The following IK variants were observed in gnomAD, a reference collection of about 807,000 sequenced individuals.
IK encodes protein Red.
In IK, 47 loss-of-function variants were observed where a neutral mutation model predicts 90.9. The observed-to-expected ratio is 0.52, with a 90% CI of 0.41 to 0.66. IK has a LOEUF of 0.66. Among genes scored for constraint, IK ranks in the 30% least tolerant of loss-of-function variants. IK has a pLI of 0.00. For missense variants in IK, 385 were observed against 709.3 expected (o/e 0.54, Z 5.19); for synonymous variants, 201 against 227.5 (o/e 0.88, Z 1.05).
intron 2 of IK, among the ~76,000 whole-genome samples, chr5:140,651,282 T>C (rs1757612241): frequency 1.3e-5 from 2 of 149,572 alleles, no homozygotes; most frequent in Admixed American, 6.7e-5. Context: ...CTAATAAAAA[T>C]ACAAAAATTA....
chr5:140,648,296 C>T lies in IK; in HGVS notation c.17-175C>T, dbSNP rs1757530545. The stretch of plus-strand genomic sequence containing the variant: ...TCCTCCAGCGCAGGATTAGGGTCCT[C>T]TGCTTTGTGCTCCCACAGCTTCTTG... On this transcript the variant is annotated intron_variant, in intron 1 of 19. Coordinates refer to ENST00000417647, the MANE Select transcript of IK (RefSeq NM_006083.4). The T allele has an allele frequency of 1.7e-5, 12 of 723,808 alleles. No homozygotes were observed. The South Asian group carries it at 1.7e-4, about 11-fold the overall frequency. 44.8% of individuals were successfully genotyped at this position (723,808 alleles called of 1,614,324 possible).
In IK at chr5:140,662,320, A is replaced by C. The variant is rs758829467; in HGVS notation, c.1665A>C (p.Pro555=). The change falls in exon 20 of 20, where the codon CCA becomes CCC. Residue 555 remains proline (P), a synonymous_variant. Transcript: ENST00000417647. The part of the protein sequence containing the change: ...MEADGVEVKR[P]KY ...ATTGCAGGGTTGAAGTCAAAAGACCAAAATACTAATCACTAGTTACAACCA... is the reference window on the plus strand; with the variant it reads ...ATTGCAGGGTTGAAGTCAAAAGACCCAAATACTAATCACTAGTTACAACCA... 9 of 1,613,994 alleles carry C rather than the reference A, an allele frequency of 5.6e-6. No individual in the cohort carries two copies. In the African/African-American group the frequency reaches 1.2e-4, roughly 22 times the overall value.
rs762057029 is a variant in IK, at chr5:140,648,007, G to GGTGTGTGTGT, written c.16+112_16+121dup. On this transcript the variant is annotated intron_variant, in intron 1 of 19. Coordinates refer to ENST00000417647, the MANE Select transcript of IK (RefSeq NM_006083.4). The stretch of plus-strand genomic sequence containing the variant: ...TATTGTAGCTTCTGAGCTTAAGCCG[G>GGTGTGTGTGT]GTGTGTGTGTGTGTGTGTGTGTGTG... 6,353 of 929,424 alleles carry GGTGTGTGTGT rather than the reference G, an allele frequency of 6.8e-3. 23 individuals carry two copies. Among genetic ancestry groups the GGTGTGTGTGT allele is most frequent in the South Asian group, 0.019 (1,363 of 73,400 alleles). The allele number at this position is 929,424 out of a possible 1,614,324, so 57.6% of individuals were successfully genotyped here. A position where few individuals can be genotyped will look rare whatever the true frequency, so the allele number is the denominator to read the frequency against.
chr5:140,660,082 A>C (rs1180932448), intron 14 of IK, 33 bp from the exon 15 acceptor site: 6 of 1,582,158 alleles, frequency 3.8e-6, no homozygotes, highest in Non-Finnish European at 5.2e-6. Context: ...AATAGGTAGA[A>C]TCCTGTGTAG....
At chr5:140,662,029 GTGGGAGGGTTTCAGC>G (rs1160963934) in intron 18 of IK, 22 bp downstream of exon 18, 12 of 1,583,792 alleles carry the variant, frequency 7.6e-6, no homozygotes, top group Non-Finnish European at 1.0e-5. Context: ...GGCCCCTTGG[GTGGGAGGGTTTCAGC>G]TGGGAGAAGA....
intron 9 of IK, among the ~76,000 whole-genome samples, chr5:140,656,768 C>T (rs540956754): frequency 6.6e-6 from 1 of 152,176 alleles, no homozygotes; most frequent in Non-Finnish European, 1.5e-5. Flanking sequence ...GTGTTACAAA[C>T]AATCCATTTA....
In IK at chr5:140,658,989, G is replaced by A. The variant is rs367909137; in HGVS notation, c.1001G>A (p.Arg334Gln). The change falls in exon 12 of 20, where the codon CGG (arginine) becomes CAG (glutamine). Residue 334 changes from arginine to glutamine, a missense_variant. Physicochemically the swap from Arg to Gln is conservative, Grantham distance 43. This residue lies in a region of IK where 139 missense variants were observed against 172.0 expected (regional missense o/e 0.81). Transcript: ENST00000417647. The part of the protein sequence containing the change: ...DYVPSTTKTP[R>Q]DKERERYRER... ...GTACCCTCCACAACCAAGACACCTC[G>A]GGACAAGGAGCGGGAGAGATATCGG... The A allele has an allele frequency of 1.7e-5, 28 of 1,613,780 alleles. No homozygotes were observed. Among genetic ancestry groups the A allele is most frequent in the Admixed American group, 3.3e-5 (2 of 59,996 alleles).
At chr5:140,651,629 C>A in intron 2 of IK, 85 bp from the exon 3 acceptor site, 1 of 708,138 alleles carries the variant, frequency 1.4e-6, no homozygotes, top group Admixed American at 2.7e-5. Flanking sequence ...TCCCTGATTT[C>A]TGTTAATTTA....
chr5:140,648,044 G>GTGTGTGTA, intron 1 of IK, 120 bp downstream of exon 1: 1 of 398,976 alleles, frequency 2.5e-6, no homozygotes, highest in Non-Finnish European at 3.9e-6. Context: ...GTGTGTGTGT[G>GTGTGTGTA]TATGTATGTA....
intron 10 of IK, 25 bp downstream of exon 10, chr5:140,657,687 G>A (rs778596): frequency 0.44 from 658,564 of 1,492,806 alleles, 146,350 homozygotes; most frequent in East Asian, 0.47. Flanking sequence ...AGAGAGAGAA[G>A]CCTTACCCAC....
At position 140,661,109 on chromosome 5, in the gene IK, AG is replaced by A; in HGVS notation, c.1413+295del. ...GCATCAATGCATAAGTAGAAAGGGC[AG>A]AAAAAATTGCAGTCTTTGGAAAATA... On this transcript the variant is annotated intron_variant, in intron 16 of 19. Coordinates refer to ENST00000417647, the MANE Select transcript of IK (RefSeq NM_006083.4). The surrounding 1 kb of genome is among the most constrained non-coding windows in gnomAD (Gnocchi z 4.2). 1 of 370,954 alleles carries A rather than the reference AG, an allele frequency of 2.7e-6. No individual in the cohort carries two copies. Among genetic ancestry groups the A allele is most frequent in the South Asian group, 9.4e-5 (1 of 10,626 alleles). 23.0% of individuals were successfully genotyped at this position (370,954 alleles called of 1,614,324 possible).
At chr5:140,653,815 G>T in intron 5 of IK, 123 bp from the exon 6 acceptor site, 1 of 603,712 alleles carries the variant, frequency 1.7e-6, no homozygotes. Context: ...ATATCCACCA[G>T]GCTGGTCTCA....
intron 13 of IK, 41 bp from the exon 14 acceptor site, chr5:140,659,715 G>A (rs1388993359): frequency 7.9e-7 from 1 of 1,271,908 alleles, no homozygotes; most frequent in Middle Eastern, 1.9e-4. Context: ...GGTTGTGAGA[G>A]CCTCAGTTCA....
At position 140,659,771 on chromosome 5, in the gene IK, A is replaced by G; in HGVS notation, c.1211A>G (p.Lys404Arg). 2 of 1,596,508 alleles carry G rather than the reference A, an allele frequency of 1.3e-6. No individual in the cohort carries two copies. Among genetic ancestry groups the G allele is most frequent in the African/African-American group, 1.3e-5 (1 of 74,812 alleles). Residue 404 changes from lysine to arginine, a missense_variant, in exon 14 of 20, where the codon AAG becomes AGG. Physicochemically the swap from Lys to Arg is conservative, Grantham distance 26. Transcript: ENST00000417647. ...MDVDKGPGST[K>R]ELIKSINEKF... is the part of the protein sequence containing the mutation. ...TTTCTCCTAGGACCTGGGTCTACCA[A>G]GGAGTTGATCAAGTCCATCAATGAA...
Position 140,658,790 on chromosome 5 carries a change from C to T in IK, c.950+14C>T. Reference sequence around the variant, plus strand: ...GGCTGACATGAAGTATGTATCCTAGCCCCTGGCATCTGATCAGAGGGAGGG... The same window carrying T: ...GGCTGACATGAAGTATGTATCCTAGTCCCTGGCATCTGATCAGAGGGAGGG... On this transcript the variant is annotated intron_variant, in intron 11 of 19. Transcript: ENST00000417647. 1 of 1,609,264 alleles carries T rather than the reference C, an allele frequency of 6.2e-7. No individual in the cohort carries two copies. The highest frequency in any genetic ancestry group is 1.3e-5 in the African/African-American group (1 of 74,956).
intron 8 of IK, among the ~76,000 whole-genome samples, chr5:140,655,614 A>C (rs1252517535): frequency 6.6e-6 from 1 of 152,260 alleles, no homozygotes; most frequent in Non-Finnish European, 1.5e-5. Context: ...TCCATTACTT[A>C]GTAGATACAT....
chr5:140,660,878 C>A (rs1757793516), intron 16 of IK, 63 bp downstream of exon 16: 1 of 1,243,496 alleles, frequency 8.0e-7, no homozygotes, highest in South Asian at 1.2e-5. Context: ...CATGTATCTC[C>A]TTCCCCACTC....
chr5:140,661,613 G>A lies in IK; in HGVS notation c.1414-7G>A. On this transcript the variant is annotated splice_polypyrimidine_tract_variant and splice_region_variant and intron_variant, in intron 16 of 19. Transcript: ENST00000417647. This position sits in a 1 kb window ranked among gnomAD's most constrained non-coding sequence, Gnocchi z 4.2. Reference sequence around the variant, plus strand: ...CTTCCCCATCCCCCGATTCTGTCCTGCAACAGGGTAACAAGAAGGGGCCCT... The same window carrying A: ...CTTCCCCATCCCCCGATTCTGTCCTACAACAGGGTAACAAGAAGGGGCCCT... 1 of 1,598,656 alleles carries A rather than the reference G, an allele frequency of 6.3e-7. No homozygotes were observed. The highest frequency in any genetic ancestry group is 1.1e-5 in the South Asian group (1 of 88,680).
rs1472193715 is a variant in IK, at chr5:140,659,231, G to T, written c.1176+67G>T. ...TCTCTGGAAATGTGAGCAAGGTTGG[G>T]TAAGGAATTGTTTCAAACTTGGGGG... is the stretch of plus-strand genomic sequence containing the variant. On this transcript the variant is annotated intron_variant, in intron 12 of 19. Transcript: ENST00000417647. 3.2e-5 allele frequency: 51 copies of T among 1,611,158 alleles called. No individual in the cohort carries two copies. The Admixed American group carries it at 6.7e-4, about 21-fold the overall frequency.
Sources: allele counts gnomAD v4.1 joint callset (sites outside exome capture counted in the v4.1 genomes callset), GRCh38; gene constraint gnomAD v4.1.1; regional missense constraint gnomAD v4.1.1; non-coding constraint Gnocchi (gnomAD v3.1); transcripts MANE v1.5; gene names NCBI Gene and HGNC (gene_info 2026-07-23, HGNC 2026-07-21).